The following NBAS variants were observed in gnomAD, a reference collection of about 807,000 sequenced individuals.
NBAS encodes NBAS subunit of NRZ tethering complex, also known as NAG/BC035112 fusion.
Under a neutral mutation model 302.5 loss-of-function variants are expected in NBAS, and 219 were observed. The ratio of observed to expected loss-of-function variants is 0.72; its 90% CI spans 0.65 to 0.81. The LOEUF is 0.81. Ranked by LOEUF, NBAS falls within the 30% of genes least tolerant of loss-of-function variation. The pLI, the probability that NBAS is intolerant of heterozygous loss-of-function variation, is 0.00. For missense variants in NBAS, 2,932 were observed against 2,841.6 expected (o/e 1.03, Z -0.72); for synonymous variants, 1,118 against 1,021.6 (o/e 1.09, Z -1.80).
chr2:15,061,790 A>C, the NBAS span, among the ~76,000 whole-genome samples: 1 of 152,242 alleles, frequency 6.6e-6, no homozygotes, highest in African/African-American at 2.4e-5. Context: ...TTGTTTGCCA[A>C]ATCCCTTCTT....
chr2:15,447,614 C>A lies in NBAS; in HGVS notation c.2339+13587G>T, dbSNP rs912128890. Among the ~76,000 whole-genome samples, 20 of 152,222 alleles carry A rather than the reference C, an allele frequency of 1.3e-4. 1 individual carries two copies. The highest frequency in any genetic ancestry group is 8.5e-4 in the Admixed American group (13 of 15,282). On this transcript the variant is annotated intron_variant, in intron 21 of 51. Coordinates refer to ENST00000281513, the MANE Select transcript of NBAS (RefSeq NM_015909.4). ...GCACATTGATGATTTGTTCATTTTCCCGTATCCATAATTCAATTAAAAGTG... is the reference window on the plus strand; with the variant it reads ...GCACATTGATGATTTGTTCATTTTCACGTATCCATAATTCAATTAAAAGTG...
the NBAS span, among the ~76,000 whole-genome samples, chr2:15,107,750 A>G: frequency 2.6e-5 from 4 of 152,248 alleles, no homozygotes; most frequent in South Asian, 6.2e-4. Context: ...ATGTTGACCA[A>G]CGTGTATTCT....
chr2:15,278,629 C>T (rs1386912857), intron 42 of NBAS, among the ~76,000 whole-genome samples: 1 of 152,178 alleles, frequency 6.6e-6, no homozygotes, highest in Non-Finnish European at 1.5e-5. Context: ...GTACAAGGCA[C>T]TGTGCTCACC....
At chr2:15,366,777 AG>A in intron 31 of NBAS, 84 bp from the exon 32 acceptor site, 2 of 1,264,244 alleles carry the variant, frequency 1.6e-6, no homozygotes, top group East Asian at 4.7e-5. Flanking sequence ...AGGCATCCAA[AG>A]AAAATGAAAA....
At chr2:15,479,608 G>T (rs1405561054) in intron 12 of NBAS, among the ~76,000 whole-genome samples, 1 of 152,180 alleles carries the variant, frequency 6.6e-6, no homozygotes, top group Non-Finnish European at 1.5e-5. Flanking sequence ...AATTTGACAA[G>T]AAATCTTAAG....
chr2:15,303,920 T>C (rs545510164), intron 40 of NBAS, among the ~76,000 whole-genome samples: 1 of 152,178 alleles, frequency 6.6e-6, no homozygotes, highest in East Asian at 1.9e-4. Flanking sequence ...AATCCACATT[T>C]ACTTAACTGT....
the NBAS span, among the ~76,000 whole-genome samples, chr2:15,033,514 G>A: frequency 6.6e-6 from 1 of 152,162 alleles, no homozygotes; most frequent in East Asian, 1.9e-4. Context: ...AAATTTGGGG[G>A]CCTGGGGTGG....
chr2:14,860,103 C>G, the NBAS span, among the ~76,000 whole-genome samples: 1 of 152,038 alleles, frequency 6.6e-6, no homozygotes, highest in East Asian at 1.9e-4. Context: ...CAACATCACA[C>G]TAATCATTGG....
chr2:15,383,288 C>A lies in NBAS; in HGVS notation c.3287G>T (p.Arg1096Ile), dbSNP rs1217065923. ...AGTTAACATGTCTTGCAGCAACGTT[C>A]TCCAATGAGACTCACTGACAGGAGG... ...KQPPVSESHWRTLLQDMLTMQ... is the reference protein window; with the variant it reads ...KQPPVSESHWITLLQDMLTMQ... The change falls in exon 29 of 52, where the codon AGA (arginine) becomes ATA (isoleucine). Residue 1096 changes from arginine (R) to isoleucine (I), a missense_variant. Physicochemically the swap from Arg to Ile is moderately conservative, Grantham distance 97. Transcript: ENST00000281513. 3.1e-6 allele frequency: 5 copies of A among 1,613,864 alleles called. No homozygotes were observed. Among genetic ancestry groups the A allele is most frequent in the Non-Finnish European group, 4.2e-6 (5 of 1,179,958 alleles).
At position 15,554,020 on chromosome 2, in the gene NBAS, C is replaced by T. The variant is rs747799140; in HGVS notation, c.287+41G>A. The T allele has an allele frequency of 2.6e-6, 4 of 1,524,738 alleles. No individual in the cohort carries two copies. The Admixed American group carries it at 7.1e-5, about 27-fold the overall frequency. The allele number at this position is 1,524,738 out of a possible 1,614,324, so 94.5% of individuals were successfully genotyped here. Reference sequence around the variant, plus strand: ...TAACGTCCATAATGAAATGTAAAAGCTAATCCAGACAGAAAAACATTGAAT... The same window carrying T: ...TAACGTCCATAATGAAATGTAAAAGTTAATCCAGACAGAAAAACATTGAAT... On this transcript the variant is annotated intron_variant, in intron 4 of 51. Coordinates refer to ENST00000281513, the MANE Select transcript of NBAS (RefSeq NM_015909.4).
At chr2:14,947,808 AG>A in the NBAS span, among the ~76,000 whole-genome samples, 1 of 151,748 alleles carries the variant, frequency 6.6e-6, no homozygotes, top group South Asian at 2.1e-4. Context: ...CAGTTTCATG[AG>A]GTTTTTTTTT....
At chr2:15,361,106 T>C (rs981085725) in intron 32 of NBAS, among the ~76,000 whole-genome samples, 5 of 152,162 alleles carry the variant, frequency 3.3e-5, no homozygotes, top group Non-Finnish European at 7.3e-5. Flanking sequence ...CACTAGGCGA[T>C]AGGAATTTTC....
At chr2:15,072,133 T>C in the NBAS span, among the ~76,000 whole-genome samples, 3 of 152,236 alleles carry the variant, frequency 2.0e-5, no homozygotes, top group Non-Finnish European at 4.4e-5. Context: ...CCAAAACTTT[T>C]AGCAGATGAA....
intron 48 of NBAS, among the ~76,000 whole-genome samples, chr2:15,198,894 A>G (rs1665741752): frequency 6.6e-6 from 1 of 152,140 alleles, no homozygotes; most frequent in Non-Finnish European, 1.5e-5. Flanking sequence ...TGGGAGGCCG[A>G]GGCGGGTGGA....
chr2:15,047,953 T>G, the NBAS span, among the ~76,000 whole-genome samples: 9 of 152,254 alleles, frequency 5.9e-5, no homozygotes, highest in African/African-American at 2.2e-4. Context: ...ATCGGTTGCT[T>G]TGGCTGGTGC....
At chr2:15,337,922 TAG>T (rs1215889377) in intron 35 of NBAS, among the ~76,000 whole-genome samples, 1 of 152,248 alleles carries the variant, frequency 6.6e-6, no homozygotes, top group African/African-American at 2.4e-5. Context: ...CTAATTAATT[TAG>T]AGTGTATAAC....
chr2:15,241,288 T>C (rs1572509490), intron 44 of NBAS, among the ~76,000 whole-genome samples: 1 of 152,168 alleles, frequency 6.6e-6, no homozygotes, highest in East Asian at 1.9e-4. Context: ...CTTCCTAGCC[T>C]ATTGTGTGAT....
At chr2:15,384,884 A>T (rs986438907) in intron 28 of NBAS, among the ~76,000 whole-genome samples, 1 of 152,208 alleles carries the variant, frequency 6.6e-6, no homozygotes, top group Non-Finnish European at 1.5e-5. Flanking sequence ...TTTAAAAATC[A>T]TCACTATTTC....
intron 15 of NBAS, 41 bp from the exon 16 acceptor site, chr2:15,473,388 A>C (rs1268041623): frequency 6.2e-7 from 1 of 1,608,866 alleles, no homozygotes; most frequent in African/African-American, 1.3e-5. Context: ...TACATGACTG[A>C]ATTATCCACA....
Sources: allele counts gnomAD v4.1 joint callset (sites outside exome capture counted in the v4.1 genomes callset), GRCh38; gene constraint gnomAD v4.1.1; transcripts MANE v1.5; gene names NCBI Gene and HGNC (gene_info 2026-07-23, HGNC 2026-07-21).